The following DMD variants were observed in gnomAD, a reference collection of about 807,000 sequenced individuals.
DMD encodes the protein dystrophin.
DMD carries 63 observed loss-of-function variants against 330.1 expected under a neutral mutation model. The ratio of observed to expected loss-of-function variants is 0.19; its 90% CI spans 0.16 to 0.24. DMD has a LOEUF of 0.24. Among genes scored for constraint, DMD ranks in the 10% least tolerant of loss-of-function variants. The pLI is 1.00. For missense variants in DMD, 3,344 were observed against 2,684.1 expected (o/e 1.25, Z -5.43); for synonymous variants, 1,223 against 959.8 (o/e 1.27, Z -5.07).
At chrX:31,786,615 T>C (rs1260802775) in intron 50 of DMD, among the ~76,000 whole-genome samples, 1 of 111,815 alleles carries the variant, frequency 8.9e-6, no homozygotes, top group Non-Finnish European at 1.9e-5. Context: ...GATCCTCTTC[T>C]GGAGTCGATG....
At chrX:32,207,437 A>G (rs760040255) in intron 44 of DMD, among the ~76,000 whole-genome samples, 1 of 111,790 alleles carries the variant, frequency 8.9e-6, no homozygotes, top group East Asian at 2.8e-4. Context: ...ATTTTTGTTC[A>G]TTACAAATTA....
At chrX:31,213,869 G>A (rs1394309758) in intron 64 of DMD, among the ~76,000 whole-genome samples, 1 of 112,123 alleles carries the variant, frequency 8.9e-6, no homozygotes, top group African/African-American at 3.2e-5. Flanking sequence ...CTGATAAAAG[G>A]GATGAAAAAG....
chrX:32,725,294 C>T (rs928854705), intron 7 of DMD, among the ~76,000 whole-genome samples: 1 of 110,711 alleles, frequency 9.0e-6, no homozygotes, highest in African/African-American at 3.3e-5. Context: ...GGATCATAGT[C>T]ACTTATGAAA....
At position 31,180,560 on chromosome X, in the gene DMD, C is replaced by T. The variant is rs12558839; in HGVS notation, c.9975-79G>A. On this transcript the variant is annotated intron_variant, in intron 68 of 78. Coordinates refer to ENST00000357033, the MANE Select transcript of DMD (RefSeq NM_004006.3). ...AGAACACTCTTTAATAAACCTTCTA[C>T]CACGTTCTAATTTGAGAAACAGAAA... 0.014 allele frequency: 9,600 copies of T among 676,473 alleles called. 252 individuals are homozygous for T. Among genetic ancestry groups the T allele is most frequent in the Admixed American group, 0.098 (4,070 of 41,355 alleles). 55.7% of individuals were successfully genotyped at this position (676,473 alleles called of 1,213,427 possible). A position where few individuals can be genotyped will look rare whatever the true frequency, so the allele number is the denominator to read the frequency against.
chrX:31,649,496 C>G (rs913539575), intron 54 of DMD, among the ~76,000 whole-genome samples: 3 of 111,588 alleles, frequency 2.7e-5, no homozygotes, highest in Admixed American at 9.5e-5. Context: ...CCTTTTAGAT[C>G]CATATGGATC....
Position 32,797,345 on chromosome X carries a change from GAAGT to G in DMD, c.649+12144_649+12147del, listed in dbSNP as rs780218682. ...CAGTTAACTCCATTTTGAAGACAGT[GAAGT>G]AAGTTTTCCAACTATCAGCAAAATA... On this transcript the variant is annotated intron_variant, in intron 7 of 78. Transcript: ENST00000357033. Among the ~76,000 whole-genome samples the G allele has an allele frequency of 4.5e-5, 5 of 112,340 alleles. No homozygotes were observed. The South Asian group carries it at 1.1e-3, about 25-fold the overall frequency.
chrX:31,869,404 AT>A (rs34962396), intron 48 of DMD, among the ~76,000 whole-genome samples: 22,782 of 82,978 alleles, frequency 0.27, 2,629 homozygotes, highest in South Asian at 0.45. Context: ...AAACGACATG[AT>A]TTTTTTTTTT....
At chrX:32,535,911 G>A (rs1251069015) in intron 17 of DMD, among the ~76,000 whole-genome samples, 1 of 111,524 alleles carries the variant, frequency 9.0e-6, no homozygotes, top group East Asian at 2.8e-4. Context: ...TGGAGATACA[G>A]GCATGCAAAA....
At chrX:31,343,222 A>C (rs763199554) in intron 61 of DMD, among the ~76,000 whole-genome samples, 1 of 111,587 alleles carries the variant, frequency 9.0e-6, no homozygotes, top group East Asian at 2.8e-4. Context: ...AAATTAGTAT[A>C]TAATTTAAAT....
At chrX:33,285,836 A>G (rs2053424507) in intron 1 of DMD, among the ~76,000 whole-genome samples, 1 of 112,357 alleles carries the variant, frequency 8.9e-6, no homozygotes, top group African/African-American at 3.2e-5. Flanking sequence ...CATCATTCCC[A>G]TGGCCTGTAG....
At chrX:31,872,639 A>G (rs2093910207) in intron 48 of DMD, among the ~76,000 whole-genome samples, 1 of 111,946 alleles carries the variant, frequency 8.9e-6, no homozygotes, top group Non-Finnish European at 1.9e-5. Context: ...AAAGAGTAGA[A>G]TGTGCTTTTA....
chrX:31,316,995 C>T (rs1165670478), intron 62 of DMD, among the ~76,000 whole-genome samples: 1 of 111,907 alleles, frequency 8.9e-6, no homozygotes, highest in African/African-American at 3.2e-5. Flanking sequence ...CCTTTCTATC[C>T]CGATAAGATT....
At chrX:32,254,966 A>G (rs1207597846) in intron 43 of DMD, among the ~76,000 whole-genome samples, 1 of 111,885 alleles carries the variant, frequency 8.9e-6, no homozygotes, top group Non-Finnish European at 1.9e-5. Context: ...TTCTAAACTG[A>G]AACTCTATAC....
In DMD at chrX:33,294,298, T is replaced by G. The variant is rs1451187394; in HGVS notation, c.7+44961A>C. On this transcript the variant is annotated intron_variant, in intron 1 of 17. Transcript: ENST00000288447. ...CAATTTTCACCAGTTACAGTTGTTTTACTCGGGACAGCATCCATGGAGCCC... is the reference window on the plus strand; with the variant it reads ...CAATTTTCACCAGTTACAGTTGTTTGACTCGGGACAGCATCCATGGAGCCC... 2.7e-5 allele frequency among the ~76,000 whole-genome samples: 3 copies of G among 111,590 alleles called. No homozygotes were observed. In the Admixed American group the frequency reaches 2.9e-4, roughly 11 times the overall value.
At chrX:31,639,511 G>T (rs913361226) in intron 54 of DMD, among the ~76,000 whole-genome samples, 3 of 112,047 alleles carry the variant, frequency 2.7e-5, no homozygotes, top group African/African-American at 9.7e-5. Context: ...CATGGTGTTA[G>T]GAATTTTGCC....
chrX:32,654,390 T>C (rs1283029386), intron 9 of DMD, among the ~76,000 whole-genome samples: 1 of 112,030 alleles, frequency 8.9e-6, no homozygotes, highest in Non-Finnish European at 1.9e-5. Context: ...AGGCCTTTTC[T>C]GCATCTATGG....
At chrX:32,941,937 C>A (rs1481079609) in intron 2 of DMD, among the ~76,000 whole-genome samples, 1 of 112,094 alleles carries the variant, frequency 8.9e-6, no homozygotes, top group Admixed American at 9.5e-5. Context: ...AGTTTCTGGA[C>A]TCTCTTCTTT....
chrX:31,492,167 C>T (rs992882555), intron 57 of DMD, among the ~76,000 whole-genome samples: 7 of 112,424 alleles, frequency 6.2e-5, no homozygotes, highest in Admixed American at 1.9e-4. Flanking sequence ...AAGAGCAATA[C>T]AATGTACAAT....
intron 61 of DMD, among the ~76,000 whole-genome samples, chrX:31,345,847 A>G (rs1206285690): frequency 1.8e-5 from 2 of 111,906 alleles, no homozygotes; most frequent in Non-Finnish European, 3.8e-5. Context: ...TAACTAGACC[A>G]CATGCGGATA....
Sources: allele counts gnomAD v4.1 joint callset (sites outside exome capture counted in the v4.1 genomes callset), GRCh38; gene constraint gnomAD v4.1.1; transcripts MANE v1.5; gene names NCBI Gene and HGNC (gene_info 2026-07-23, HGNC 2026-07-21).